Variants in RTP2 observed in about 807,000 individuals in gnomAD.
The protein encoded by RTP2 is receptor-transporting protein 2.
Under a neutral mutation model 17.9 loss-of-function variants are expected in RTP2, and 12 were observed. The observed-to-expected ratio is 0.67, with a 90% confidence interval of 0.43 to 1.09. The LOEUF (loss-of-function observed/expected upper bound fraction) is 1.09. Ranked by LOEUF, RTP2 falls within the 50% of genes least tolerant of loss-of-function variation. RTP2 has a pLI of 0.00. For synonymous variants in RTP2, 126 were observed against 117.7 expected (o/e 1.07, Z -0.46); for missense variants, 327 against 295.7 (o/e 1.11, Z -0.78).
At chr3:187,698,667 T>C (rs1717753425) in exon 2 of RTP2, 1 of 1,614,064 alleles carries the variant, frequency 6.2e-7, no homozygotes, top group African/African-American at 1.3e-5. Context: ...CTCCAGCAGC[T>C]TCTCGCTGGG....
the RTP2 span, among the ~76,000 whole-genome samples, chr3:187,711,227 A>C: frequency 1.3e-5 from 2 of 152,162 alleles, no homozygotes; most frequent in Non-Finnish European, 2.9e-5. Flanking sequence ...GCATTTATTA[A>C]CACCTTGTCA....
chr3:187,698,672 G>T lies in RTP2; in HGVS notation c.504C>A (p.Ser168Arg), dbSNP rs763367600. The stretch of plus-strand genomic sequence containing the variant: ...TCACCTCCTCCTCCAGCAGCTTCTC[G>T]CTGGGCTTCCAGTGAACGATGCCCT... Residue 168 changes from serine to arginine, a missense_variant, in exon 2 of 2, where the codon AGC (serine) becomes AGA (arginine). Ser to Arg is a moderately radical substitution (Grantham distance 110, BLOSUM62 -1). Transcript: ENST00000358241. 4.3e-6 allele frequency: 7 copies of T among 1,614,128 alleles called. No individual in the cohort carries two copies. The highest frequency in any genetic ancestry group is 5.9e-6 in the Non-Finnish European group (7 of 1,179,994).
upstream of RTP2, among the ~76,000 whole-genome samples, chr3:187,706,959 C>A (rs1036056593): frequency 2.6e-5 from 4 of 152,194 alleles, no homozygotes; most frequent in Non-Finnish European, 1.5e-5. Context: ...ACCTACCACA[C>A]ACATCTGGGT....
At chr3:187,702,522 T>C (rs1445181805) in exon 1 of RTP2, 3 of 461,328 alleles carry the variant, frequency 6.5e-6, no homozygotes, top group Non-Finnish European at 1.3e-5. Flanking sequence ...TCTAGCATTC[T>C]CCACATCATG....
exon 1 of RTP2, chr3:187,702,319 G>T (rs905966363): frequency 6.6e-6 from 4 of 610,092 alleles, no homozygotes; most frequent in East Asian, 2.9e-5. Flanking sequence ...GGCACCAAGA[G>T]TGAGGGCTGG....
At chr3:187,699,802 C>T (rs943739803) in intron 1 of RTP2, among the ~76,000 whole-genome samples, 1 of 150,996 alleles carries the variant, frequency 6.6e-6, no homozygotes, top group Non-Finnish European at 1.5e-5. Context: ...CTCTCTCTCT[C>T]TTACATGCAC....
chr3:187,702,405 G>A (rs184009875), exon 1 of RTP2: 3 of 544,110 alleles, frequency 5.5e-6, no homozygotes, highest in Admixed American at 4.5e-5. Context: ...AGGCCTGAGA[G>A]GAGCAAGCAC....
chr3:187,698,996 C>G (rs764051652), exon 2 of RTP2: 2 of 1,586,824 alleles, frequency 1.3e-6, no homozygotes, highest in East Asian at 4.5e-5. Context: ...TGTGCCAGCA[C>G]CAGGAGCAGT....
In RTP2 at chr3:187,700,306, C is replaced by T. The variant is rs116207921; in HGVS notation, c.165-1295G>A. Among the ~76,000 whole-genome samples, 657 of 152,286 alleles carry T rather than the reference C, an allele frequency of 4.3e-3. 6 individuals carry two copies. The highest frequency in any genetic ancestry group is 0.01 in the Middle Eastern group (3 of 294). On this transcript the variant is annotated intron_variant, in intron 1 of 1. Transcript: ENST00000358241. Reference sequence around the variant, plus strand: ...TCAGAGGAACCTAGCTGGTACTGAACCAGGAGAGGTTCCCCGCCCCCAGTG... The same window carrying T: ...TCAGAGGAACCTAGCTGGTACTGAATCAGGAGAGGTTCCCCGCCCCCAGTG...
chr3:187,714,402 A>G, the RTP2 span, among the ~76,000 whole-genome samples: 1 of 152,246 alleles, frequency 6.6e-6, no homozygotes, highest in Non-Finnish European at 1.5e-5. Flanking sequence ...TTTGGGGGCC[A>G]GAGCCCCTCA....
intron 1 of RTP2, among the ~76,000 whole-genome samples, chr3:187,700,486 A>G (rs185212912): frequency 6.6e-6 from 1 of 152,362 alleles, no homozygotes; most frequent in Non-Finnish European, 1.5e-5. Flanking sequence ...CTGAAGCAAG[A>G]GGAGACATGA....
the RTP2 span, among the ~76,000 whole-genome samples, chr3:187,712,144 C>T: frequency 1.1e-4 from 16 of 152,196 alleles, no homozygotes; most frequent in Admixed American, 6.5e-4. Flanking sequence ...CACATACACA[C>T]GAGTGCATGT....
At chr3:187,705,090 T>C (rs918790204), upstream of RTP2, among the ~76,000 whole-genome samples, 7 of 151,842 alleles carry the variant, frequency 4.6e-5, no homozygotes, top group African/African-American at 7.3e-5. Context: ...TTATCCTAGA[T>C]AGAGATTTGG....
chr3:187,698,772 C>A, exon 2 of RTP2: 2 of 1,613,956 alleles, frequency 1.2e-6, no homozygotes, highest in Non-Finnish European at 1.7e-6. Context: ...GCGGTACTGG[C>A]CACCATCCTC....
the RTP2 span, among the ~76,000 whole-genome samples, chr3:187,713,879 AG>A: frequency 6.6e-6 from 1 of 152,216 alleles, no homozygotes; most frequent in Non-Finnish European, 1.5e-5. Flanking sequence ...CTAGGAAACC[AG>A]TGCAAATTGG....
chr3:187,706,119 A>C (rs1255820581), upstream of RTP2, among the ~76,000 whole-genome samples: 1 of 152,226 alleles, frequency 6.6e-6, no homozygotes, highest in Non-Finnish European at 1.5e-5. Context: ...CCCAGTTGTC[A>C]AACAATTGGA....
At chr3:187,698,428 G>T in exon 2 of RTP2, 1 of 1,369,672 alleles carries the variant, frequency 7.3e-7, no homozygotes, top group Non-Finnish European at 9.9e-7. Flanking sequence ...ATCTGTAGCA[G>T]GATCAAGTCC....
chr3:187,698,798 G>A lies in RTP2; in HGVS notation c.378C>T (p.Arg126=), dbSNP rs758172547. The A allele has an allele frequency of 4.3e-6, 7 of 1,613,510 alleles. No homozygotes were observed. The South Asian group carries it at 4.4e-5, about 10-fold the overall frequency. The change falls in exon 2 of 2, where the codon CGC becomes CGT. Residue 126 remains arginine (R), a synonymous_variant. Coordinates refer to ENST00000358241, the Ensembl canonical transcript of RTP2. ...CACCATCCTCCTCGTAGCACTGCTC[G>A]CGCAGGCTGGTGATGAGGTTGTCCA...
the RTP2 span, among the ~76,000 whole-genome samples, chr3:187,710,097 A>G: frequency 6.6e-6 from 1 of 152,274 alleles, no homozygotes; most frequent in East Asian, 1.9e-4. Context: ...CAATCCATTA[A>G]GGGCCTGAAT....
Sources: allele counts gnomAD v4.1 joint callset (sites outside exome capture counted in the v4.1 genomes callset), GRCh38; gene constraint gnomAD v4.1.1; transcripts MANE v1.5; gene names NCBI Gene and HGNC (gene_info 2026-07-23, HGNC 2026-07-21).